The following NRG1 variants were observed in gnomAD, a reference collection of about 807,000 sequenced individuals.
The protein encoded by NRG1 is neuregulin 1, also known as pro-neuregulin-1, membrane-bound isoform.
Under a neutral mutation model 63.8 loss-of-function variants are expected in NRG1, and 18 were observed. That is an observed-to-expected ratio of 0.28 (90% confidence interval 0.19 to 0.42). The LOEUF (loss-of-function observed/expected upper bound fraction) is 0.42, where lower values mean the gene tolerates loss of function less well. Ranked by LOEUF, NRG1 falls within the 10% of genes least tolerant of loss-of-function variation. The pLI, the probability that NRG1 is intolerant of heterozygous loss-of-function variation, is 1.00. For synonymous variants in NRG1, 302 were observed against 301.3 expected, an observed-to-expected ratio of 1.00 and a Z score of -0.02; for missense variants, 762 against 814.7, an observed-to-expected ratio of 0.94 and a Z score of 0.79.
chr8:31,962,301 A>G (rs189544404), intron 1 of NRG1, among the ~76,000 whole-genome samples: 4 of 152,282 alleles, frequency 2.6e-5, no homozygotes, highest in African/African-American at 9.6e-5. Context: ...AGAGTTACGG[A>G]GATAACTCCT....
intron 1 of NRG1, among the ~76,000 whole-genome samples, chr8:32,401,447 C>G (rs1813186090): frequency 6.6e-6 from 1 of 152,122 alleles, no homozygotes; most frequent in African/African-American, 2.4e-5. Flanking sequence ...TCTCCCTTCA[C>G]TAGAGGTTCA....
chr8:32,190,455 A>G (rs1460519091), intron 1 of NRG1, among the ~76,000 whole-genome samples: 1 of 152,142 alleles, frequency 6.6e-6, no homozygotes, highest in Non-Finnish European at 1.5e-5. Context: ...GTCCCAGTTC[A>G]TCTTTCCGGT....
At chr8:32,503,810 G>A (rs918011274) in intron 1 of NRG1, among the ~76,000 whole-genome samples, 3 of 152,196 alleles carry the variant, frequency 2.0e-5, no homozygotes, top group African/African-American at 7.2e-5. Context: ...ATGAAAGGAA[G>A]TAAAGTGGAA....
chr8:32,166,661 A>G (rs1839434646), intron 1 of NRG1, among the ~76,000 whole-genome samples: 1 of 152,230 alleles, frequency 6.6e-6, no homozygotes, highest in South Asian at 2.1e-4. Flanking sequence ...TGATGGTAAC[A>G]GTGCTATGTC....
chr8:31,791,250 G>C (rs1454208157), intron 1 of NRG1, among the ~76,000 whole-genome samples: 1 of 151,094 alleles, frequency 6.6e-6, no homozygotes. Context: ...TAGTGAGATA[G>C]TAAATAGGTT....
intron 1 of NRG1, among the ~76,000 whole-genome samples, chr8:32,396,501 T>C (rs1812452859): frequency 6.6e-6 from 1 of 152,212 alleles, no homozygotes; most frequent in African/African-American, 2.4e-5. Flanking sequence ...CAGGCTGGAA[T>C]GCAATAGCAC....
chr8:32,297,144 G>T (rs1854992534), intron 1 of NRG1, among the ~76,000 whole-genome samples: 2 of 152,028 alleles, frequency 1.3e-5, no homozygotes, highest in Admixed American at 1.3e-4. Context: ...TATAATTATA[G>T]TGAGTATTCC....
intron 1 of NRG1, among the ~76,000 whole-genome samples, chr8:32,005,534 C>A (rs993538779): frequency 3.3e-5 from 5 of 151,914 alleles, no homozygotes; most frequent in African/African-American, 1.2e-4. Context: ...ATCTTAAGAA[C>A]CTCATATAAC....
intron 1 of NRG1, among the ~76,000 whole-genome samples, chr8:32,156,546 T>C (rs1838089755): frequency 6.6e-6 from 1 of 152,160 alleles, no homozygotes; most frequent in African/African-American, 2.4e-5. Flanking sequence ...TAAAATTCTA[T>C]TGAATAAATA....
intron 5 of NRG1, among the ~76,000 whole-genome samples, chr8:32,723,183 G>A (rs1187450735): frequency 6.6e-6 from 1 of 152,092 alleles, no homozygotes; most frequent in African/African-American, 2.4e-5. Flanking sequence ...AATTTTCTAA[G>A]ACAGGTAGAT....
At chr8:31,756,670 CT>C in intron 1 of NRG1, among the ~76,000 whole-genome samples, 1 of 152,086 alleles carries the variant, frequency 6.6e-6, no homozygotes, top group Non-Finnish European at 1.5e-5. Context: ...TTTTATTTCC[CT>C]TTTACTACTA....
chr8:32,513,304 G>A (rs1264340570), intron 1 of NRG1, among the ~76,000 whole-genome samples: 2 of 151,440 alleles, frequency 1.3e-5, no homozygotes, highest in African/African-American at 4.9e-5. Flanking sequence ...CATATAAGGG[G>A]CAAAAGAATT....
intron 5 of NRG1, among the ~76,000 whole-genome samples, chr8:32,646,197 C>CCA (rs780603437): frequency 5.5e-4 from 83 of 152,238 alleles, no homozygotes; most frequent in Non-Finnish European, 1.0e-3. Context: ...TCAAAGGGGA[C>CCA]CACAGCAGGG....
chr8:31,797,000 T>G (rs1586480922), intron 1 of NRG1, among the ~76,000 whole-genome samples: 1 of 152,162 alleles, frequency 6.6e-6, no homozygotes, highest in African/African-American at 2.4e-5. Context: ...TAATGAAATG[T>G]TATTTTTGGT....
chr8:32,011,504 G>A (rs1313398152), intron 1 of NRG1, among the ~76,000 whole-genome samples: 4 of 152,122 alleles, frequency 2.6e-5, no homozygotes, highest in Non-Finnish European at 4.4e-5. Flanking sequence ...GTCAGACACT[G>A]GACTTTAATC....
chr8:32,440,492 T>A (rs1037199428), intron 1 of NRG1, among the ~76,000 whole-genome samples: 1 of 152,154 alleles, frequency 6.6e-6, no homozygotes, highest in Admixed American at 6.6e-5. Context: ...GGATTATGAA[T>A]GATTATTTCT....
chr8:32,042,755 T>A (rs1820275876), intron 1 of NRG1, among the ~76,000 whole-genome samples: 1 of 150,818 alleles, frequency 6.6e-6, no homozygotes, highest in African/African-American at 2.4e-5. Context: ...ATAACTCAAT[T>A]AAAAAAAAAC....
At chr8:32,771,706 T>TAAAAA (rs36131405), downstream of NRG1, among the ~76,000 whole-genome samples, 332 of 80,210 alleles carry the variant, frequency 4.1e-3, 8 homozygotes, top group African/African-American at 0.012. Flanking sequence ...TCCATTTCTT[T>TAAAAA]AAAAAAAAAA....
chr8:32,506,770 T>G (rs898659233), intron 1 of NRG1, among the ~76,000 whole-genome samples: 5 of 152,024 alleles, frequency 3.3e-5, no homozygotes, highest in Admixed American at 2.0e-4. Context: ...ATCCCAGCAC[T>G]TTGGGAGGCT....
Sources: gnomAD v4.1 joint callset for allele counts (sites outside exome capture counted in the v4.1 genomes callset) on GRCh38, gnomAD v4.1.1 for gene constraint, MANE v1.5 for transcripts, NCBI Gene and HGNC (gene_info 2026-07-23, HGNC 2026-07-21) for gene names.